The following CEP112 variants were observed in gnomAD, a reference collection of about 807,000 sequenced individuals.
CEP112 encodes the protein centrosomal protein 112.
Under a neutral mutation model 153.0 loss-of-function variants are expected in CEP112, and 127 were observed. That is an observed-to-expected ratio of 0.83 (90% confidence interval 0.72 to 0.96). CEP112 has a LOEUF of 0.96. Ranked by LOEUF, CEP112 falls within the 40% of genes least tolerant of loss-of-function variation. CEP112 has a pLI of 0.00. For synonymous variants in CEP112, 358 were observed against 374.4 expected, an observed-to-expected ratio of 0.96 and a Z score of 0.51; for missense variants, 1,089 against 1,101.2, an observed-to-expected ratio of 0.99 and a Z score of 0.16.
intron 17 of CEP112, among the ~76,000 whole-genome samples, chr17:65,987,081 A>T (rs1283464066): frequency 6.6e-6 from 1 of 152,184 alleles, no homozygotes; most frequent in Non-Finnish European, 1.5e-5. Context: ...ACATCCTATA[A>T]ACACAGAATA....
rs767334900 is a variant in CEP112 at position 66,183,272 on chromosome 17, A to G, written c.28T>C (p.Trp10Arg). ...TCAAATTCTGCATCCAGCTTCTCCC[A>G]TTTTTCTTCTTCACTTCCCACTTCC... is the stretch of plus-strand genomic sequence containing the variant. MEVGSEEEK[W>R]EKLDAEFDHF... Residue 10 changes from tryptophan (W) to arginine (R), a missense_variant, in exon 2 of 27, where the codon TGG becomes CGG. Coordinates refer to ENST00000535342, the MANE Select transcript of CEP112 (RefSeq NM_001199165.4). The G allele has an allele frequency of 4.3e-6, 7 of 1,612,508 alleles. No individual in the cohort carries two copies. The highest frequency in any genetic ancestry group is 5.9e-6 in the Non-Finnish European group (7 of 1,179,314).
rs568059382 is a variant in CEP112 at position 66,186,305 on chromosome 17, T to C, written c.-8-2998A>G. 8.9e-4 allele frequency among the ~76,000 whole-genome samples: 135 copies of C among 152,248 alleles called. 1 individual carries two copies. Among genetic ancestry groups the C allele is most frequent in the African/African-American group, 3.0e-3 (123 of 41,544 alleles). On this transcript the variant is annotated intron_variant, in intron 1 of 26. Coordinates refer to ENST00000535342, the MANE Select transcript of CEP112 (RefSeq NM_001199165.4). ...CTCTTTTTTCTTTTCGTTTCGTTTATTTCTTTCGTTTTTTGAGACAGAATC... is the reference window on the plus strand; with the variant it reads ...CTCTTTTTTCTTTTCGTTTCGTTTACTTCTTTCGTTTTTTGAGACAGAATC...
chr17:65,926,574 G>A (rs902322632), intron 19 of CEP112, among the ~76,000 whole-genome samples: 6 of 152,190 alleles, frequency 3.9e-5, no homozygotes, highest in South Asian at 2.1e-4. Flanking sequence ...TTAGCCGGAC[G>A]TGGTGGCGTG....
At chr17:66,046,244 G>C (rs571426833) in intron 12 of CEP112, among the ~76,000 whole-genome samples, 1 of 151,988 alleles carries the variant, frequency 6.6e-6, no homozygotes, top group Non-Finnish European at 1.5e-5. Flanking sequence ...GGGTTTCACT[G>C]TATTAGCCAG....
chr17:65,997,737 A>G (rs1354221869), intron 17 of CEP112, among the ~76,000 whole-genome samples: 3 of 151,696 alleles, frequency 2.0e-5, no homozygotes, highest in East Asian at 3.9e-4. Flanking sequence ...ATGTTTTTAT[A>G]TAAATATAAT....
intron 24 of CEP112, among the ~76,000 whole-genome samples, chr17:65,677,343 T>C (rs1162508033): frequency 6.6e-6 from 1 of 152,252 alleles, no homozygotes; most frequent in Non-Finnish European, 1.5e-5. Context: ...ACTTTGTACT[T>C]AATAAAATTT....
At chr17:65,808,650 TTC>T (rs371937304) in intron 21 of CEP112, among the ~76,000 whole-genome samples, 3 of 151,158 alleles carry the variant, frequency 2.0e-5, no homozygotes, top group African/African-American at 4.9e-5. Flanking sequence ...CACTTCCCCC[TTC>T]TCTCTCTCTC....
At chr17:65,931,501 TCTGCCTCGCCTTAAAAG>T (rs1406679547) in intron 18 of CEP112, among the ~76,000 whole-genome samples, 1 of 152,188 alleles carries the variant, frequency 6.6e-6, no homozygotes, top group Non-Finnish European at 1.5e-5. Flanking sequence ...GAGGCCCACT[TCTGCCTCGCCTTAAAAG>T]GAACATTGGG....
At chr17:66,014,363 A>C (rs2064677752) in intron 16 of CEP112, among the ~76,000 whole-genome samples, 1 of 152,186 alleles carries the variant, frequency 6.6e-6, no homozygotes, top group Non-Finnish European at 1.5e-5. Flanking sequence ...AAGCCAGGCT[A>C]TGGTCCCAGG....
At chr17:65,860,456 C>G (rs1021707430) in intron 20 of CEP112, among the ~76,000 whole-genome samples, 3 of 152,186 alleles carry the variant, frequency 2.0e-5, no homozygotes, top group Admixed American at 2.0e-4. Context: ...ATGACATCCC[C>G]AAAAAGAACA....
intron 19 of CEP112, among the ~76,000 whole-genome samples, chr17:65,916,281 G>GTGTA (rs1312001341): frequency 6.8e-6 from 1 of 146,804 alleles, no homozygotes; most frequent in Non-Finnish European, 1.5e-5. Flanking sequence ...GTGTGTGTGT[G>GTGTA]TGTGTGTGTG....
chr17:65,877,049 G>A (rs572419042), intron 20 of CEP112, among the ~76,000 whole-genome samples: 1 of 152,298 alleles, frequency 6.6e-6, no homozygotes, highest in Admixed American at 6.5e-5. Flanking sequence ...ATTCAAGGCA[G>A]TAAAATGCAG....
intron 24 of CEP112, chr17:65,688,281 A>G (rs2047917037): frequency 6.6e-6 from 1 of 152,248 alleles, no homozygotes; most frequent in Non-Finnish European, 1.5e-5. Flanking sequence ...AAATGATGAC[A>G]TAGCAGACAC....
chr17:66,054,334 C>T (rs553293286), intron 11 of CEP112, among the ~76,000 whole-genome samples: 3 of 152,134 alleles, frequency 2.0e-5, no homozygotes, highest in Non-Finnish European at 4.4e-5. Context: ...CCTACCTGCA[C>T]CTCAAACAAG....
At chr17:65,788,495 G>T (rs983669124) in intron 21 of CEP112, among the ~76,000 whole-genome samples, 9 of 152,072 alleles carry the variant, frequency 5.9e-5, no homozygotes, top group African/African-American at 1.7e-4. Flanking sequence ...TGAATGTTTG[G>T]TAAGAACTTG....
intron 1 of CEP112, among the ~76,000 whole-genome samples, chr17:66,188,893 C>G (rs1360023073): frequency 6.6e-6 from 1 of 152,192 alleles, no homozygotes; most frequent in African/African-American, 2.4e-5. Flanking sequence ...TAAAGCACAG[C>G]TCTGGCCTAG....
At chr17:66,062,135 C>T (rs929436057) in intron 11 of CEP112, among the ~76,000 whole-genome samples, 2 of 151,936 alleles carry the variant, frequency 1.3e-5, no homozygotes, top group African/African-American at 2.4e-5. Flanking sequence ...CATGCTGAAC[C>T]GTGAGTCAAT....
intron 19 of CEP112, among the ~76,000 whole-genome samples, chr17:65,926,489 G>C (rs2060928993): frequency 6.6e-6 from 1 of 152,108 alleles, no homozygotes; most frequent in Non-Finnish European, 1.5e-5. Context: ...GAGGTGGGCA[G>C]ATCACCTGAA....
At chr17:66,143,342 C>T (rs545589680) in intron 4 of CEP112, among the ~76,000 whole-genome samples, 1 of 152,280 alleles carries the variant, frequency 6.6e-6, no homozygotes, top group African/African-American at 2.4e-5. Flanking sequence ...AAAATATGGA[C>T]TCAGGATCAA....
Sources: allele counts gnomAD v4.1 joint callset (sites outside exome capture counted in the v4.1 genomes callset), GRCh38; gene constraint gnomAD v4.1.1; transcripts MANE v1.5; gene names NCBI Gene and HGNC (gene_info 2026-07-23, HGNC 2026-07-21).